The following WDPCP variants were observed in gnomAD, a reference collection of about 807,000 sequenced individuals.
WDPCP encodes WD repeat-containing and planar cell polarity effector protein fritz homolog.
Under a neutral mutation model 93.1 loss-of-function variants are expected in WDPCP, and 71 were observed. The observed-to-expected ratio is 0.76, with a 90% CI of 0.63 to 0.93. WDPCP has a LOEUF of 0.93. WDPCP is among the 40% of genes least tolerant of loss of function. The probability of loss-of-function intolerance (pLI) is 0.00; values close to 1 mark genes in which losing one functional copy is unlikely to be tolerated. For synonymous variants in WDPCP, 315 were observed against 315.0 expected (o/e 1.00, Z 0.00); for missense variants, 844 against 887.4 (o/e 0.95, Z 0.62).
At chr2:63,535,033 G>C (rs1704170025) in intron 1 of WDPCP, among the ~76,000 whole-genome samples, 1 of 152,184 alleles carries the variant, frequency 6.6e-6, no homozygotes, top group Non-Finnish European at 1.5e-5. Context: ...CAAAATCAAT[G>C]TGCAAAAATC....
intron 2 of WDPCP, among the ~76,000 whole-genome samples, chr2:63,723,234 T>G (rs1669452759): frequency 4.7e-5 from 7 of 149,996 alleles, no homozygotes. Flanking sequence ...TATTGTCCTA[T>G]GACCCTGCCA....
At position 63,147,070 on chromosome 2, in the gene WDPCP, G is replaced by A. The variant is rs79618975; in HGVS notation, c.2190+5844C>T. Among the ~76,000 whole-genome samples, 797 of 152,306 alleles carry A rather than the reference G, an allele frequency of 5.2e-3. 2 individuals carry two copies. The highest frequency in any genetic ancestry group is 9.3e-3 in the Non-Finnish European group (630 of 68,026). On this transcript the variant is annotated intron_variant, in intron 17 of 17. Coordinates refer to ENST00000272321, the MANE Select transcript of WDPCP (RefSeq NM_015910.7). The stretch of plus-strand genomic sequence containing the variant: ...TCAAAGTGATATAATAAGTATTAGG[G>A]ATGTAAGAATGAAGTAACTCAGACT...
intron 2 of WDPCP, among the ~76,000 whole-genome samples, chr2:63,730,718 A>G (rs984138451): frequency 4.6e-5 from 7 of 152,178 alleles, no homozygotes; most frequent in African/African-American, 1.7e-4. Context: ...CAAGAGCAAG[A>G]AAAGGTACTG....
intron 2 of WDPCP, among the ~76,000 whole-genome samples, chr2:63,809,197 C>G (rs1007548345): frequency 6.8e-6 from 1 of 146,652 alleles, no homozygotes; most frequent in East Asian, 2.1e-4. Context: ...AGCCGCCCCG[C>G]CCGGGAGGTG....
At chr2:63,477,380 A>C (rs1700031489) in intron 6 of WDPCP, among the ~76,000 whole-genome samples, 1 of 152,198 alleles carries the variant, frequency 6.6e-6, no homozygotes. Context: ...AAAACTATAT[A>C]TCTCATACCT....
In WDPCP at chr2:63,273,829, A is replaced by ACATG. The variant is rs200697117; in HGVS notation, c.1813-14421_1813-14420insCATG. ...CAGAAACACACACACACACACACGC[A>ACATG]CACACACACACACACACACAGAACA... On this transcript the variant is annotated intron_variant, in intron 13 of 17. Transcript: ENST00000272321. Among the ~76,000 whole-genome samples the ACATG allele has an allele frequency of 5.1e-3, 759 of 150,218 alleles. 2 individuals are homozygous for ACATG. The highest frequency in any genetic ancestry group is 0.018 in the South Asian group (88 of 4,778).
chr2:63,452,931 C>CA lies in WDPCP; in HGVS notation c.385-13061dup, dbSNP rs571539284. On this transcript the variant is annotated intron_variant, in intron 6 of 17. Coordinates refer to ENST00000272321, the MANE Select transcript of WDPCP (RefSeq NM_015910.7). ...CTGGATCCCTTCCTTACACCTTAAA[C>CA]AAAAATTAATTCAAGATGGATTAAA... Among the ~76,000 whole-genome samples the CA allele has an allele frequency of 2.4e-3, 363 of 152,290 alleles. 2 individuals carry two copies. Among genetic ancestry groups the CA allele is most frequent in the African/African-American group, 8.3e-3 (347 of 41,566 alleles).
chr2:63,318,451 A>G (rs1282868027), intron 12 of WDPCP, among the ~76,000 whole-genome samples: 1 of 152,236 alleles, frequency 6.6e-6, no homozygotes, highest in East Asian at 1.9e-4. Context: ...GTTCTAACAT[A>G]AAGATATGTG....
At chr2:63,561,215 A>G (rs960802044) in intron 1 of WDPCP, among the ~76,000 whole-genome samples, 3 of 152,234 alleles carry the variant, frequency 2.0e-5, no homozygotes, top group African/African-American at 7.2e-5. Context: ...ACGGTGGCTC[A>G]CGCCTCTAAT....
At position 63,170,454 on chromosome 2, in the gene WDPCP, G is replaced by A. The variant is rs762834434; in HGVS notation, c.2078+4216C>T. ...CACCAGGCTAATTTTTATATTTTTA[G>A]TAGAGATGGGGTTTCACCATGTTGG... is the stretch of plus-strand genomic sequence containing the variant. On this transcript the variant is annotated intron_variant, in intron 15 of 17. Coordinates refer to ENST00000272321, the MANE Select transcript of WDPCP (RefSeq NM_015910.7). 4.0e-5 allele frequency among the ~76,000 whole-genome samples: 6 copies of A among 151,804 alleles called. 1 individual carries two copies. The highest frequency in any genetic ancestry group is 3.4e-3 in the Middle Eastern group (1 of 294).
intron 2 of WDPCP, among the ~76,000 whole-genome samples, chr2:63,673,860 A>G (rs1382481340): frequency 6.6e-6 from 1 of 152,184 alleles, no homozygotes; most frequent in East Asian, 1.9e-4. Flanking sequence ...ATCTGAGGCA[A>G]TCTTACCAAA....
intron 2 of WDPCP, among the ~76,000 whole-genome samples, chr2:63,788,333 A>G (rs77797327): frequency 0.19 from 28,188 of 152,174 alleles, 2,890 homozygotes; most frequent in Middle Eastern, 0.29. Context: ...CAATTTTCCA[A>G]TAGGGAGTCT....
chr2:63,462,090 G>A (rs1699053258), intron 6 of WDPCP, among the ~76,000 whole-genome samples: 1 of 152,148 alleles, frequency 6.6e-6, no homozygotes, highest in Non-Finnish European at 1.5e-5. Flanking sequence ...GCAAAGACTT[G>A]GAACCAACCC....
intron 2 of WDPCP, among the ~76,000 whole-genome samples, chr2:63,785,313 G>A (rs952376626): frequency 2.6e-5 from 4 of 152,058 alleles, no homozygotes; most frequent in African/African-American, 9.7e-5. Flanking sequence ...TACACACCTA[G>A]GCTGGCTACT....
chr2:63,397,213 C>G (rs926884337), intron 10 of WDPCP, among the ~76,000 whole-genome samples: 1 of 151,988 alleles, frequency 6.6e-6, no homozygotes, highest in Non-Finnish European at 1.5e-5. Flanking sequence ...TTTAGAAGGC[C>G]GAATCGATAG....
intron 1 of WDPCP, among the ~76,000 whole-genome samples, chr2:63,582,756 A>G (rs1034298519): frequency 7.2e-5 from 11 of 152,204 alleles, no homozygotes; most frequent in South Asian, 2.1e-4. Flanking sequence ...CAAATGAAAA[A>G]AAACAGTGGA....
chr2:63,396,286 A>G (rs570553706), intron 10 of WDPCP, among the ~76,000 whole-genome samples: 7 of 152,336 alleles, frequency 4.6e-5, no homozygotes, highest in African/African-American at 1.7e-4. Context: ...ATAACTCTTG[A>G]GGAAAATTGC....
chr2:63,439,815 C>A lies in WDPCP; in HGVS notation c.441G>T (p.Glu147Asp). 3.1e-6 allele frequency: 5 copies of A among 1,613,318 alleles called. No homozygotes were observed. Among genetic ancestry groups the A allele is most frequent in the Non-Finnish European group, 4.2e-6 (5 of 1,179,438 alleles). The stretch of plus-strand genomic sequence containing the variant: ...CCAGGCTTCTGTCAATCACCACTTT[C>A]TCCAGCTGCGGCCCAGAAAGGCTTA... The part of the protein sequence containing the change: ...VSLSLSGPQL[E>D]KVVIDRSLVG... The change falls in exon 7 of 18, where the codon GAG becomes GAT. Residue 147 changes from glutamate to aspartate, a missense_variant. Coordinates refer to ENST00000272321, the MANE Select transcript of WDPCP (RefSeq NM_015910.7).
intron 2 of WDPCP, among the ~76,000 whole-genome samples, chr2:63,783,430 A>T (rs1398250436): frequency 1.3e-5 from 2 of 152,076 alleles, no homozygotes; most frequent in East Asian, 1.9e-4. Context: ...TAAAAAAAAA[A>T]TTTTAATAAA....
Sources: allele counts gnomAD v4.1 joint callset (sites outside exome capture counted in the v4.1 genomes callset), GRCh38; gene constraint gnomAD v4.1.1; transcripts MANE v1.5; gene names NCBI Gene and HGNC (gene_info 2026-07-23, HGNC 2026-07-21).